The following ABCG5 variants were observed in gnomAD, a reference collection of about 807,000 sequenced individuals.
The protein encoded by ABCG5 is ATP-binding cassette sub-family G member 5.
In ABCG5, 64 loss-of-function variants were observed where a neutral mutation model predicts 64.5. The observed-to-expected ratio is 0.99, with a 90% confidence interval of 0.81 to 1.22. The LOEUF is 1.22. ABCG5 is among the 50% of genes most tolerant of loss of function. The pLI is 0.00. For missense variants in ABCG5, 908 were observed against 829.5 expected (o/e 1.09, Z -1.16); for synonymous variants, 385 against 326.3 (o/e 1.18, Z -1.94).
chr2:43,826,652 T>G, intron 5 of ABCG5, 131 bp from the exon 6 acceptor site: 1 of 1,398,454 alleles, frequency 7.2e-7, no homozygotes. Context: ...GAAGTAAACA[T>G]GTAAACTGGC....
intron 11 of ABCG5, among the ~76,000 whole-genome samples, chr2:43,818,728 T>G (rs1044183583): frequency 6.6e-6 from 1 of 152,160 alleles, no homozygotes; most frequent in Non-Finnish European, 1.5e-5. Flanking sequence ...TGAAAAAATA[T>G]CCTCCTTGAT....
intron 11 of ABCG5, among the ~76,000 whole-genome samples, chr2:43,815,436 T>C (rs1485015088): frequency 1.3e-5 from 2 of 152,220 alleles, no homozygotes; most frequent in African/African-American, 4.8e-5. Context: ...TAGTGAACTA[T>C]TTGTGCCAAG....
intron 9 of ABCG5, 28 bp from the exon 10 acceptor site, chr2:43,822,963 A>C: frequency 6.2e-7 from 1 of 1,612,610 alleles, no homozygotes; most frequent in Non-Finnish European, 8.5e-7. Context: ...GTTTCAGAAC[A>C]GTCAGTCACC....
intron 11 of ABCG5, among the ~76,000 whole-genome samples, chr2:43,817,351 G>A (rs1666901618): frequency 6.6e-6 from 1 of 152,018 alleles, no homozygotes; most frequent in Non-Finnish European, 1.5e-5. Flanking sequence ...TGGGCGTGGT[G>A]GTGCGCACCT....
chr2:43,816,075 G>C (rs1228346712), intron 11 of ABCG5, among the ~76,000 whole-genome samples: 2 of 152,160 alleles, frequency 1.3e-5, no homozygotes, highest in Non-Finnish European at 1.5e-5. Flanking sequence ...ACCACACAGA[G>C]TCAAACACAA....
chr2:43,825,173 C>T (rs1289526756), intron 6 of ABCG5, among the ~76,000 whole-genome samples, 155 bp from the exon 7 acceptor site: 2 of 152,138 alleles, frequency 1.3e-5, no homozygotes, highest in Non-Finnish European at 1.5e-5. Flanking sequence ...GTCAGTCCTT[C>T]GATGACCTTG....
chr2:43,819,446 T>C (rs10201851), intron 11 of ABCG5, among the ~76,000 whole-genome samples: 32,825 of 151,738 alleles, frequency 0.22, 5,179 homozygotes, highest in African/African-American at 0.43. Context: ...CCTTTAAGCC[T>C]TGATACTCTT....
At chr2:43,825,371 G>A (rs1251714368) in intron 6 of ABCG5, among the ~76,000 whole-genome samples, 1 of 152,052 alleles carries the variant, frequency 6.6e-6, no homozygotes, top group Non-Finnish European at 1.5e-5. Context: ...GCAGGGGTGG[G>A]TCTTAGTTTG....
intron 10 of ABCG5, chr2:43,822,368 T>C (rs976177009): frequency 1.7e-4 from 42 of 242,830 alleles, no homozygotes; most frequent in African/African-American, 9.8e-4. Flanking sequence ...CTTCTCTTTC[T>C]ACCTCCCTGA....
In ABCG5 at chr2:43,838,006, GCC is replaced by G; in HGVS notation, c.144-53_144-52del. The stretch of plus-strand genomic sequence containing the variant: ...AAGGCAGCTTGGGGCCCTGGAAGGG[GCC>G]ACACCCAGGTCCCCAGCATTGATCC... On this transcript the variant is annotated intron_variant, in intron 1 of 12. Coordinates refer to ENST00000405322, the MANE Select transcript of ABCG5 (RefSeq NM_022436.3). This position sits in a 1 kb window ranked among gnomAD's most constrained non-coding sequence, Gnocchi z 4.2. The G allele has an allele frequency of 1.2e-6, 2 of 1,611,654 alleles. No homozygotes were observed. Among genetic ancestry groups the G allele is most frequent in the Non-Finnish European group, 1.7e-6 (2 of 1,178,726 alleles).
chr2:43,826,638 G>A lies in ABCG5; in HGVS notation c.635-117C>T, dbSNP rs576390584. The A allele has an allele frequency of 3.4e-5, 51 of 1,491,540 alleles. 1 individual carries two copies. The Middle Eastern group carries it at 7.9e-4, about 23-fold the overall frequency. 92.4% of individuals were successfully genotyped at this position (1,491,540 alleles called of 1,614,324 possible). The stretch of plus-strand genomic sequence containing the variant: ...TTGTACCCCATTCAAACAGTGTGCG[G>A]TGGGAAGTAAACATGTAAACTGGCT... On this transcript the variant is annotated intron_variant, in intron 5 of 12. Transcript: ENST00000405322.
intron 11 of ABCG5, among the ~76,000 whole-genome samples, chr2:43,815,682 T>C (rs2104757641): frequency 6.6e-6 from 1 of 152,168 alleles, no homozygotes. Context: ...TGCCAAGGGC[T>C]GCATATGGGA....
At chr2:43,810,224 C>T (rs879906141), downstream of ABCG5, among the ~76,000 whole-genome samples, 7 of 152,184 alleles carry the variant, frequency 4.6e-5, no homozygotes, top group Admixed American at 3.9e-4. Context: ...AACAGTGAGG[C>T]GCAAGAAGCA....
At chr2:43,833,445 C>T (rs749072735) in intron 2 of ABCG5, among the ~76,000 whole-genome samples, 1 of 141,078 alleles carries the variant, frequency 7.1e-6, no homozygotes, top group Non-Finnish European at 1.6e-5. Flanking sequence ...TGCAGTGGCG[C>T]AGTCTCGGCT....
intron 4 of ABCG5, 52 bp downstream of exon 4, chr2:43,831,717 G>GTACTCA: frequency 6.7e-7 from 1 of 1,492,380 alleles, no homozygotes; most frequent in South Asian, 1.2e-5. Flanking sequence ...GAGGGCAGCG[G>GTACTCA]GGGGTGCAAA....
At chr2:43,839,115 C>T (rs144411000), upstream of ABCG5, 94 of 1,551,128 alleles carry the variant, frequency 6.1e-5, no homozygotes, top group Middle Eastern at 8.4e-4. Context: ...CAGGATACCT[C>T]GGTGAGTGAG....
At chr2:43,816,558 T>G (rs928486697) in intron 11 of ABCG5, among the ~76,000 whole-genome samples, 4 of 152,268 alleles carry the variant, frequency 2.6e-5, no homozygotes, top group Middle Eastern at 3.4e-3. Context: ...TCTTTTTTAT[T>G]TTTTGAACGG....
downstream of ABCG5, among the ~76,000 whole-genome samples, chr2:43,807,743 C>CAAAAAAA (rs536977133): frequency 2.6e-4 from 11 of 41,632 alleles, no homozygotes; most frequent in East Asian, 1.3e-3. Context: ...TTTGTTAAAG[C>CAAAAAAA]AAAAAAAAAA....
At chr2:43,833,394 TATTATTG>T (rs1668068713) in intron 2 of ABCG5, among the ~76,000 whole-genome samples, 2 of 146,984 alleles carry the variant, frequency 1.4e-5, no homozygotes, top group South Asian at 4.3e-4. Flanking sequence ...TTATTATTAT[TATTATTG>T]AGACGAAGTA....
Sources: gnomAD v4.1 joint callset for allele counts (sites outside exome capture counted in the v4.1 genomes callset) on GRCh38, gnomAD v4.1.1 for gene constraint, Gnocchi (gnomAD v3.1) non-coding constraint, MANE v1.5 for transcripts, NCBI Gene and HGNC (gene_info 2026-07-23, HGNC 2026-07-21) for gene names.